CACNA1H: variants seen among roughly 807,000 people sequenced by gnomAD.
The protein encoded by CACNA1H is calcium voltage-gated channel subunit alpha1 H.
CACNA1H carries 149 observed loss-of-function variants against 192.5 expected under a neutral mutation model. That is an observed-to-expected ratio of 0.77 (90% CI 0.68 to 0.89). The LOEUF is 0.89. Ranked by LOEUF, CACNA1H falls within the 40% of genes least tolerant of loss-of-function variation. The probability of loss-of-function intolerance (pLI) is 0.00; values close to 1 mark genes in which losing one functional copy is unlikely to be tolerated. For missense variants in CACNA1H, 4,257 were observed against 3,423.5 expected (o/e 1.24, Z -6.08); for synonymous variants, 2,202 against 1,475.2 (o/e 1.49, Z -11.29).
chr16:1,200,863 G>A (rs1567509868), intron 8 of CACNA1H, 55 bp downstream of exon 8: 9 of 1,385,588 alleles, frequency 6.5e-6, no homozygotes, highest in South Asian at 1.2e-5. Flanking sequence ...GCTGGCTGGG[G>A]GTGGGGTGGG....
chr16:1,187,906 G>A (rs537632155), intron 2 of CACNA1H, among the ~76,000 whole-genome samples: 2 of 152,326 alleles, frequency 1.3e-5, no homozygotes, highest in South Asian at 2.1e-4. Context: ...ACCTTCCTTC[G>A]GCAAACGTGG....
chr16:1,195,581 G>A lies in CACNA1H; in HGVS notation c.545+16G>A. 6.3e-7 allele frequency: 1 copy of A among 1,584,894 alleles called. No individual in the cohort carries two copies. The highest frequency in any genetic ancestry group is 8.6e-7 in the Non-Finnish European group (1 of 1,166,226). Reference sequence around the variant, plus strand: ...TCGTGGCGGGGTAGGCCCCGCCTGGGAGAGGCCACAGCGCTGGCGAAGGGG... The same window carrying A: ...TCGTGGCGGGGTAGGCCCCGCCTGGAAGAGGCCACAGCGCTGGCGAAGGGG... On this transcript the variant is annotated intron_variant, in intron 4 of 34. Transcript: ENST00000348261.
chr16:1,166,403 A>G (rs1219879316), intron 2 of CACNA1H, among the ~76,000 whole-genome samples: 1 of 152,180 alleles, frequency 6.6e-6, no homozygotes, highest in Non-Finnish European at 1.5e-5. Flanking sequence ...GAGGCCGCGC[A>G]GCGTACAAGG....
In CACNA1H at chr16:1,202,429, TCCCG is replaced by T; in HGVS notation, c.1981_1984del (p.Pro661MetfsTer32). 2.7e-6 allele frequency: 4 copies of T among 1,508,424 alleles called. No homozygotes were observed. The highest frequency in any genetic ancestry group is 3.6e-6 in the Non-Finnish European group (4 of 1,123,834). 93.4% of individuals were successfully genotyped at this position (1,508,424 alleles called of 1,614,324 possible). ...AACAGCCCTGATCCCTACGAGAAGATCCCGCATGTGGTCGGGGAGCATGGTGAGG... is the reference window on the plus strand; with the variant it reads ...AACAGCCCTGATCCCTACGAGAAGATCATGTGGTCGGGGAGCATGGTGAGG... On this transcript the variant is annotated frameshift_variant, in exon 9 of 35. Transcript: ENST00000348261. LOFTEE classifies it high-confidence loss of function.
rs191132753 is a variant in CACNA1H, at chr16:1,185,212, C to T, written c.300-9760C>T. ...TCCTTTTCATGGCTGAGTAATATTCCAGCGTGTGACCAGACCACGTTCCGT... is the reference window on the plus strand; with the variant it reads ...TCCTTTTCATGGCTGAGTAATATTCTAGCGTGTGACCAGACCACGTTCCGT... On this transcript the variant is annotated intron_variant, in intron 2 of 34. Coordinates refer to ENST00000348261, the MANE Select transcript of CACNA1H (RefSeq NM_021098.3). Among the ~76,000 whole-genome samples the T allele has an allele frequency of 2.9e-4, 44 of 152,288 alleles. No individual in the cohort carries two copies. In the East Asian group the frequency reaches 8.1e-3, roughly 28 times the overall value.
At position 1,215,547 on chromosome 16, in the gene CACNA1H, C is replaced by T. The variant is rs764098313; in HGVS notation, c.5198C>T (p.Thr1733Met). 9.9e-6 allele frequency: 16 copies of T among 1,611,818 alleles called. No homozygotes were observed. Among genetic ancestry groups the T allele is most frequent in the East Asian group, 2.2e-5 (1 of 44,862 alleles). ...GTGCTGAAGCTGCTGAAGATGGCTA[C>T]GGGCATGCGCGCCCTGCTGGACACT... ...ARVLKLLKMA[T>M]GMRALLDTVV... Residue 1733 changes from threonine (T) to methionine (M), a missense_variant, in exon 30 of 35, where the codon ACG becomes ATG. Physicochemically the swap from Thr to Met is moderately conservative, Grantham distance 81. Transcript: ENST00000348261.
At chr16:1,208,283 A>T in intron 16 of CACNA1H, 62 bp downstream of exon 16, 4 of 1,220,042 alleles carry the variant, frequency 3.3e-6, no homozygotes, top group Non-Finnish European at 4.6e-6. Context: ...CTGGCTCCTT[A>T]TGGCCTTCCC....
chr16:1,215,682 G>T, intron 30 of CACNA1H, 89 bp downstream of exon 30: 1 of 1,016,872 alleles, frequency 9.8e-7, no homozygotes, highest in Non-Finnish European at 1.5e-6. Flanking sequence ...CCCCTCACTC[G>T]TTTCTCTGGT....
chr16:1,216,495 G>T (rs907937242), intron 30 of CACNA1H, among the ~76,000 whole-genome samples: 2 of 152,120 alleles, frequency 1.3e-5, no homozygotes, highest in Non-Finnish European at 2.9e-5. Context: ...CACCTGCCGG[G>T]ACCCCTCAGT....
rs772313483 is a variant in CACNA1H at position 1,206,117 on chromosome 16, G to A, written c.2617G>A (p.Val873Met). The change falls in exon 12 of 35, where the codon GTG (valine) becomes ATG (methionine). Residue 873 changes from valine (V) to methionine (M), a missense_variant. Transcript: ENST00000348261. ...IIVVISVWEI[V>M]GQADGGLSVL... is the part of the protein sequence containing the mutation. Reference sequence around the variant, plus strand: ...ACCTGTCCGCAGCGTCTGGGAGATCGTGGGGCAGGCGGACGGTGGCTTGTC... The same window carrying A: ...ACCTGTCCGCAGCGTCTGGGAGATCATGGGGCAGGCGGACGGTGGCTTGTC... The A allele has an allele frequency of 9.5e-6, 15 of 1,582,076 alleles. No individual in the cohort carries two copies. In the South Asian group the frequency reaches 1.0e-4, roughly 11 times the overall value.
At position 1,212,548 on chromosome 16, in the gene CACNA1H, T is replaced by A; in HGVS notation, c.4777+20T>A. On this transcript the variant is annotated intron_variant, in intron 26 of 34. Coordinates refer to ENST00000348261, the MANE Select transcript of CACNA1H (RefSeq NM_021098.3). ...GCCCAGGTACCGGCCCTGTCCCGCA[T>A]GCCTCAGGCCCCGCTTCTGCGGCCG... 1.9e-6 allele frequency: 3 copies of A among 1,608,786 alleles called. No homozygotes were observed. Among genetic ancestry groups the A allele is most frequent in the Middle Eastern group, 1.7e-4 (1 of 6,052 alleles).
At chr16:1,156,675 G>C (rs546525366) in intron 2 of CACNA1H, among the ~76,000 whole-genome samples, 1 of 152,120 alleles carries the variant, frequency 6.6e-6, no homozygotes, top group Non-Finnish European at 1.5e-5. Context: ...AGGGATAATC[G>C]GATTTGCTCA....
rs1427803168 is a variant in CACNA1H, at chr16:1,221,176, C to T, written c.*182C>T. On this transcript the variant is annotated 3_prime_UTR_variant, in exon 35 of 35. Coordinates refer to ENST00000348261, the MANE Select transcript of CACNA1H (RefSeq NM_021098.3). ...AGCGAAGCAGGAGTAGCTGCCGGGC[C>T]CCACGAGCCTCCGTCCGTTCTGGTT... 1 of 546,046 alleles carries T rather than the reference C, an allele frequency of 1.8e-6. No homozygotes were observed. Among genetic ancestry groups the T allele is most frequent in the East Asian group, 2.9e-5 (1 of 34,194 alleles). The allele number at this position is 546,046 out of a possible 1,614,324, so 33.8% of individuals were successfully genotyped here. A position where few individuals can be genotyped will look rare whatever the true frequency, so the allele number is the denominator to read the frequency against.
At chr16:1,172,046 TC>T (rs1964418902) in intron 2 of CACNA1H, among the ~76,000 whole-genome samples, 1 of 152,104 alleles carries the variant, frequency 6.6e-6, no homozygotes, top group Non-Finnish European at 1.5e-5. Flanking sequence ...GGTCCTGGGG[TC>T]CCCAGCAGCC....
In CACNA1H at chr16:1,205,194, G is replaced by C; in HGVS notation, c.2532G>C (p.Leu844=). 1 of 1,613,080 alleles carries C rather than the reference G, an allele frequency of 6.2e-7. No homozygotes were observed. The highest frequency in any genetic ancestry group is 8.5e-7 in the Non-Finnish European group (1 of 1,179,770). The change falls in exon 11 of 35, where the codon CTG becomes CTC. Residue 844 remains leucine, a synonymous_variant. Transcript: ENST00000348261. ...SMFALEMLLK[L]LACGPLGYIR... ...TTGCCCTGGAGATGCTGCTGAAGCTGCTGGCCTGCGGCCCTCTGGGCTACA... is the reference window on the plus strand; with the variant it reads ...TTGCCCTGGAGATGCTGCTGAAGCTCCTGGCCTGCGGCCCTCTGGGCTACA...
At position 1,200,484 on chromosome 16, in the gene CACNA1H, C is replaced by T. The variant is rs1304977289; in HGVS notation, c.1032C>T (p.Tyr344=). The T allele has an allele frequency of 5.6e-6, 9 of 1,612,192 alleles. No individual in the cohort carries two copies. The highest frequency in any genetic ancestry group is 1.6e-4 in the Middle Eastern group (1 of 6,062). The change falls in exon 7 of 35, where the codon TAC becomes TAT. Residue 344 remains tyrosine (Y), a synonymous_variant. Transcript: ENST00000348261. ...RNACINWNQY[Y]NVCRSGDSNP... ...CCTGCATCAACTGGAACCAGTACTACAACGTGTGCCGCTCGGGTGACTCCA... is the reference window on the plus strand; with the variant it reads ...CCTGCATCAACTGGAACCAGTACTATAACGTGTGCCGCTCGGGTGACTCCA...
chr16:1,155,535 C>T (rs1041681992), intron 2 of CACNA1H, among the ~76,000 whole-genome samples: 8 of 152,132 alleles, frequency 5.3e-5, no homozygotes, highest in African/African-American at 1.4e-4. Flanking sequence ...AGGCTGGCCC[C>T]GAGCCAAGGC....
rs1405692448 is a variant in CACNA1H, at chr16:1,208,097, C to T, written c.3239C>T (p.Thr1080Ile). 3 of 1,597,300 alleles carry T rather than the reference C, an allele frequency of 1.9e-6. No individual in the cohort carries two copies. The highest frequency in any genetic ancestry group is 1.7e-5 in the Admixed American group (1 of 58,250). The change falls in exon 16 of 35, where the codon ACA becomes ATA. Residue 1080 changes from threonine (T) to isoleucine (I), a missense_variant. Transcript: ENST00000348261. Reference protein sequence around the residue: ...GSLSPPLIMCTAATPMPTPKS... With the variant: ...GSLSPPLIMCIAATPMPTPKS... ...CTGTCCCCTCCCCTCATCATGTGCA[C>T]AGCTGCCACGCCCATGCCTACCCCC...
intron 2 of CACNA1H, among the ~76,000 whole-genome samples, chr16:1,190,287 C>T (rs904050183): frequency 1.3e-5 from 2 of 152,254 alleles, no homozygotes; most frequent in African/African-American, 2.4e-5. Flanking sequence ...GATTTGAAAT[C>T]TAAAGGAATT....
Sources: gnomAD v4.1 joint callset for allele counts (sites outside exome capture counted in the v4.1 genomes callset) on GRCh38, gnomAD v4.1.1 for gene constraint, MANE v1.5 for transcripts, NCBI Gene and HGNC (gene_info 2026-07-23, HGNC 2026-07-21) for gene names.